The following SENP1 variants were observed in gnomAD, a reference collection of about 807,000 sequenced individuals.
SENP1 encodes SUMO specific peptidase 1, also known as sentrin-specific protease 1.
In SENP1, 21 loss-of-function variants were observed where a neutral mutation model predicts 93.0. The observed-to-expected ratio is 0.23, with a 90% CI of 0.16 to 0.33. The LOEUF is 0.33. Among genes scored for constraint, SENP1 ranks in the 10% least tolerant of loss-of-function variants. The pLI is 1.00. For missense variants in SENP1, 591 were observed against 758.7 expected, an observed-to-expected ratio of 0.78 and a Z score of 2.60; for synonymous variants, 256 against 259.6, an observed-to-expected ratio of 0.99 and a Z score of 0.13.
intron 14 of SENP1, 33 bp downstream of exon 14, chr12:48,048,896 T>C (rs762822688): frequency 6.5e-7 from 1 of 1,542,122 alleles, no homozygotes; most frequent in Non-Finnish European, 8.9e-7. Context: ...TACATAGCTT[T>C]TACATTTTAT....
In SENP1 at chr12:48,074,752, T is replaced by C. The variant is rs1943945563; in HGVS notation, c.594A>G (p.Leu198=). 2 of 1,613,068 alleles carry C rather than the reference T, an allele frequency of 1.2e-6. No individual in the cohort carries two copies. Among genetic ancestry groups the C allele is most frequent in the Admixed American group, 1.7e-5 (1 of 59,920 alleles). The change falls in exon 7 of 18, where the codon CTA becomes CTG. Residue 198 remains leucine (L), a synonymous_variant. Transcript: ENST00000549518. The part of the protein sequence containing the change: ...EEEREIYRQL[L]QMVTGKQFTI... ...TAAACTGTTTCCCTGTGACCATCTGTAGCAGCTGTCTGTAAATCTCTCTTT... is the reference window on the plus strand; with the variant it reads ...TAAACTGTTTCCCTGTGACCATCTGCAGCAGCTGTCTGTAAATCTCTCTTT...
At chr12:48,046,476 T>C (rs766218239) in intron 16 of SENP1, 25 bp from the exon 17 acceptor site, 2 of 1,455,218 alleles carry the variant, frequency 1.4e-6, no homozygotes, top group East Asian at 4.5e-5. Flanking sequence ...ACAAAAAAAA[T>C]GACATCTTTC....
intron 6 of SENP1, among the ~76,000 whole-genome samples, chr12:48,076,383 T>C (rs1592387655): frequency 6.6e-6 from 1 of 151,918 alleles, no homozygotes; most frequent in Non-Finnish European, 1.5e-5. Flanking sequence ...GGAGTGCAGG[T>C]GCGCCATATC....
Position 48,071,667 on chromosome 12 carries a change from C to G in SENP1, c.995G>C (p.Ser332Thr). 6.3e-7 allele frequency: 1 copy of G among 1,597,548 alleles called. No homozygotes were observed. The highest frequency in any genetic ancestry group is 8.6e-7 in the Non-Finnish European group (1 of 1,166,058). The change falls in exon 9 of 18, where the codon AGT becomes ACT. Residue 332 changes from serine (S) to threonine (T), a missense_variant and splice_region_variant. Physicochemically the swap from Ser to Thr is moderately conservative, Grantham distance 58. Around this residue, in one of 4 missense-constraint regions of SENP1, gnomAD observed 238 missense variants for 259.1 expected, o/e 0.92. Coordinates refer to ENST00000549518, the MANE Select transcript of SENP1 (RefSeq NM_001267594.2). The part of the protein sequence containing the change: ...KVKDSQTPTP[S>T]STFFQAELWI... ...AGAACAAGCTTTTTCCAAAGTTTAC[C>G]TGGGAGTTGGAGTCTGGGAATCTTT...
At chr12:48,104,801 A>G (rs1398333991) in intron 1 of SENP1, among the ~76,000 whole-genome samples, 8 of 152,022 alleles carry the variant, frequency 5.3e-5, no homozygotes, top group Admixed American at 5.2e-4. Context: ...GTACCCATCC[A>G]CTCCCTCTAG....
At chr12:48,055,931 T>C (rs1023198336) in intron 13 of SENP1, among the ~76,000 whole-genome samples, 4 of 137,596 alleles carry the variant, frequency 2.9e-5, no homozygotes, top group East Asian at 2.1e-4. Context: ...TACATTACTA[T>C]ATATAACATA....
In SENP1 at chr12:48,084,447, G is replaced by GTTTTTT. The variant is rs5798059; in HGVS notation, c.381-691_381-686dup. Reference sequence around the variant, plus strand: ...TATATCTAAGGCTTACTAATTTTGAGTTTTTTTTTTTTTTTTTTTTGAGAT... The same window carrying GTTTTTT: ...TATATCTAAGGCTTACTAATTTTGAGTTTTTTTTTTTTTTTTTTTTTTTTTTGAGAT... On this transcript the variant is annotated intron_variant, in intron 5 of 17. Coordinates refer to ENST00000549518, the MANE Select transcript of SENP1 (RefSeq NM_001267594.2). Among the ~76,000 whole-genome samples the GTTTTTT allele has an allele frequency of 2.7e-3, 299 of 109,420 alleles. 1 individual carries two copies. The highest frequency in any genetic ancestry group is 4.1e-3 in the Non-Finnish European group (223 of 54,546). 71.8% of individuals were successfully genotyped at this position (109,420 alleles called of 152,430 possible). A position where few individuals can be genotyped will look rare whatever the true frequency, so the allele number is the denominator to read the frequency against.
At chr12:48,076,848 T>A (rs948431394) in intron 6 of SENP1, among the ~76,000 whole-genome samples, 1 of 151,984 alleles carries the variant, frequency 6.6e-6, no homozygotes, top group Non-Finnish European at 1.5e-5. Context: ...GGTTTCACCA[T>A]GTTGGCCACA....
chr12:48,065,940 C>T (rs1440487091), intron 10 of SENP1, among the ~76,000 whole-genome samples: 2 of 152,054 alleles, frequency 1.3e-5, no homozygotes. Flanking sequence ...TGGGCTCAAG[C>T]GACCCCCCTA....
chr12:48,046,331 G>C (rs748982023), intron 17 of SENP1, 25 bp downstream of exon 17: 6 of 1,509,980 alleles, frequency 4.0e-6, no homozygotes, highest in Non-Finnish European at 5.5e-6. Flanking sequence ...TAATCCTAGA[G>C]CTCCCTATGG....
intron 6 of SENP1, chr12:48,081,254 C>T (rs1408116015): frequency 6.6e-6 from 1 of 151,960 alleles, no homozygotes; most frequent in African/African-American, 2.4e-5. Flanking sequence ...ATTATTTATG[C>T]ATAAAATAAT....
intron 8 of SENP1, among the ~76,000 whole-genome samples, chr12:48,072,284 C>T (rs1477909100): frequency 2.0e-5 from 3 of 152,160 alleles, no homozygotes; most frequent in Non-Finnish European, 2.9e-5. Flanking sequence ...TAGTAGTCAC[C>T]TCAGTCATCC....
chr12:48,100,497 G>A (rs1057094242), intron 2 of SENP1, among the ~76,000 whole-genome samples: 7 of 151,058 alleles, frequency 4.6e-5, no homozygotes, highest in African/African-American at 1.5e-4. Flanking sequence ...CGGACTTGGC[G>A]GCGCACGCAT....
At chr12:48,054,106 A>G (rs1942034137) in intron 13 of SENP1, among the ~76,000 whole-genome samples, 1 of 152,178 alleles carries the variant, frequency 6.6e-6, no homozygotes, top group South Asian at 2.1e-4. Flanking sequence ...GAGTAGAGGA[A>G]GTGTTCCTGG....
rs889833408 is a variant in SENP1, at chr12:48,085,304, C to A, written c.381-1542G>T. The A allele has an allele frequency of 6.6e-6, 10 of 1,505,696 alleles. No homozygotes were observed. The African/African-American group carries it at 1.4e-4, about 21-fold the overall frequency. The allele number at this position is 1,505,696 out of a possible 1,614,324, so 93.3% of individuals were successfully genotyped here. A position where few individuals can be genotyped will look rare whatever the true frequency, so the allele number is the denominator to read the frequency against. ...TGGTGCAGCATGCCCTGGACACCCA[C>A]CAGCACTCTATCCCTACTGTCCTGG... On this transcript the variant is annotated intron_variant, in intron 5 of 17. Coordinates refer to ENST00000549518, the MANE Select transcript of SENP1 (RefSeq NM_001267594.2).
chr12:48,085,497 C>A, intron 5 of SENP1: 1 of 553,828 alleles, frequency 1.8e-6, no homozygotes, highest in Admixed American at 3.6e-5. Flanking sequence ...TTGCCATCAG[C>A]CTTCTTTACA....
At chr12:48,069,152 C>CAAAAAAAAA (rs10564674) in intron 9 of SENP1, among the ~76,000 whole-genome samples, 72 of 76,340 alleles carry the variant, frequency 9.4e-4, no homozygotes, top group Non-Finnish European at 1.1e-3. Flanking sequence ...GACTCTGTCA[C>CAAAAAAAAA]AAAAAAAAAA....
chr12:48,074,831 T>C (rs961239916), intron 6 of SENP1, 38 bp from the exon 7 acceptor site: 1 of 1,309,484 alleles, frequency 7.6e-7, no homozygotes, highest in South Asian at 1.3e-5. Flanking sequence ...TTTAAACACA[T>C]CCAATAAGGC....
In SENP1 at chr12:48,078,317, T is replaced by TTATATATATA. The variant is rs370021236; in HGVS notation, c.553-3534_553-3525dup. Among the ~76,000 whole-genome samples, 273 of 70,720 alleles carry TTATATATATA rather than the reference T, an allele frequency of 3.9e-3. 27 individuals carry two copies. The highest frequency in any genetic ancestry group is 0.011 in the African/African-American group (224 of 20,260). 46.4% of individuals were successfully genotyped at this position (70,720 alleles called of 152,430 possible). A position where few individuals can be genotyped will look rare whatever the true frequency, so the allele number is the denominator to read the frequency against. On this transcript the variant is annotated intron_variant, in intron 6 of 17. Coordinates refer to ENST00000549518, the MANE Select transcript of SENP1 (RefSeq NM_001267594.2). Reference sequence around the variant, plus strand: ...GTTTTTTGGTGGAGTCTGTAGGATTTTATATATATATATATATACACACAC... The same window carrying TTATATATATA: ...GTTTTTTGGTGGAGTCTGTAGGATTTTATATATATATATATATATATATATATACACACAC...
Sources: allele counts gnomAD v4.1 joint callset (sites outside exome capture counted in the v4.1 genomes callset), GRCh38; gene constraint gnomAD v4.1.1; regional missense constraint gnomAD v4.1.1; transcripts MANE v1.5; gene names NCBI Gene and HGNC (gene_info 2026-07-23, HGNC 2026-07-21).